Variants in TEN1 observed in about 807,000 individuals in gnomAD.
TEN1 encodes TEN1 subunit of CST complex.
TEN1 carries 6 observed loss-of-function variants against 9.3 expected under a neutral mutation model. The observed-to-expected ratio is 0.65, with a 90% CI of 0.35 to 1.27. The LOEUF (loss-of-function observed/expected upper bound fraction) is 1.27. Ranked by LOEUF, TEN1 falls within the 50% of genes most tolerant of loss-of-function variation. The pLI, the probability that TEN1 is intolerant of heterozygous loss-of-function variation, is 0.03. For synonymous variants in TEN1, 65 were observed against 65.6 expected (o/e 0.99, Z 0.04); for missense variants, 149 against 158.2 (o/e 0.94, Z 0.31).
At chr17:75,987,645 G>A (rs562620970) in intron 2 of TEN1, among the ~76,000 whole-genome samples, 3 of 152,240 alleles carry the variant, frequency 2.0e-5, no homozygotes, top group South Asian at 2.1e-4. Flanking sequence ...GGCCAGGTGC[G>A]GTGGCTCACG....
Position 75,979,275 on chromosome 17 carries a change from G to A in TEN1, c.-243G>A. The A allele has an allele frequency of 1.4e-6, 1 of 709,304 alleles. No homozygotes were observed. The highest frequency in any genetic ancestry group is 2.7e-5 in the East Asian group (1 of 36,840). 43.9% of individuals were successfully genotyped at this position (709,304 alleles called of 1,614,324 possible). ...GTGAGTGACAGCGGCCCAGACAGAG[G>A]GGGCGATGTCCGCGTCGTGGCTGGG... On this transcript the variant is annotated 5_prime_UTR_variant, in exon 1 of 4. Coordinates refer to ENST00000397640, the MANE Select transcript of TEN1 (RefSeq NM_001113324.3).
At chr17:75,991,149 C>CAAAAAAAAAAAAA (rs71361699) in intron 2 of TEN1, among the ~76,000 whole-genome samples, 7 of 69,996 alleles carry the variant, frequency 1.0e-4, no homozygotes, top group Non-Finnish European at 1.3e-4. Context: ...GACTCCATCT[C>CAAAAAAAAAAAAA]AAAAAAAAAA....
At chr17:75,990,791 GAAAA>G (rs34463013) in intron 2 of TEN1, among the ~76,000 whole-genome samples, 1 of 123,404 alleles carries the variant, frequency 8.1e-6, no homozygotes. Flanking sequence ...CTGGGATACA[GAAAA>G]AAAAAAAAAA....
intron 3 of TEN1, among the ~76,000 whole-genome samples, chr17:75,997,221 A>C (rs2066223065): frequency 6.6e-6 from 1 of 151,538 alleles, no homozygotes; most frequent in African/African-American, 2.4e-5. Flanking sequence ...CCCAGCCTCC[A>C]CCCTCCTGGT....
At chr17:75,997,620 A>C (rs549247085) in intron 3 of TEN1, among the ~76,000 whole-genome samples, 6 of 152,224 alleles carry the variant, frequency 3.9e-5, no homozygotes, top group African/African-American at 1.2e-4. Context: ...TTCCCTGTCC[A>C]CATATAAGGT....
In TEN1 at chr17:76,000,196, G is replaced by A. The variant is rs1312074347; in HGVS notation, c.306G>A (p.Leu102=). ...TGACCTGTGTGGAGGGGATGAACCT[G>A]CCCTTGTTGGAACAAGCCATCCGGG... ...RVLTCVEGMN[L]PLLEQAIREQ... is the part of the protein sequence containing the mutation. The change falls in exon 4 of 4, where the codon CTG becomes CTA. Residue 102 remains leucine (L), a synonymous_variant. Coordinates refer to ENST00000397640, the MANE Select transcript of TEN1 (RefSeq NM_001113324.3). The surrounding 1 kb of genome is among the most constrained non-coding windows in gnomAD (Gnocchi z 5.9). 2 of 1,551,380 alleles carry A rather than the reference G, an allele frequency of 1.3e-6. No individual in the cohort carries two copies. The highest frequency in any genetic ancestry group is 1.7e-6 in the Non-Finnish European group (2 of 1,146,966).
rs370674588 is a variant in TEN1 at position 75,979,469 on chromosome 17, A to G, written c.-49A>G. On this transcript the variant is annotated 5_prime_UTR_variant, in exon 1 of 4. Transcript: ENST00000397640. ...CCCTCCCCCGTCACGTGACCACGCG[A>G]GGCGGAAAGAAGAAATCCGAGGACC... The G allele has an allele frequency of 3.5e-5, 12 of 342,320 alleles. No homozygotes were observed. Among genetic ancestry groups the G allele is most frequent in the African/African-American group, 2.0e-4 (9 of 46,140 alleles). 21.2% of individuals were successfully genotyped at this position (342,320 alleles called of 1,614,324 possible).
At chr17:75,999,944 G>A (rs1443378932) in intron 3 of TEN1, among the ~76,000 whole-genome samples, 197 bp from the exon 4 acceptor site, 2 of 152,178 alleles carry the variant, frequency 1.3e-5, no homozygotes, top group Non-Finnish European at 2.9e-5. Context: ...TTCCAGACAC[G>A]GGCCGACTGT....
chr17:75,998,343 C>T (rs546140432), intron 3 of TEN1, among the ~76,000 whole-genome samples: 5 of 149,140 alleles, frequency 3.4e-5, no homozygotes, highest in South Asian at 2.1e-4. Context: ...ACAGGGTTTT[C>T]GCTTGTTGGC....
rs534916790 is a variant in TEN1 at position 75,990,108 on chromosome 17, C to T, written c.93-1358C>T. ...TTGCCCAGACTGGAGTGCAGTGGTA[C>T]GATCTCGGCTCACTGCAGCCTCTGC... On this transcript the variant is annotated intron_variant, in intron 2 of 3. Transcript: ENST00000397640. Among the ~76,000 whole-genome samples the T allele has an allele frequency of 7.7e-4, 116 of 150,074 alleles. 1 individual carries two copies. The highest frequency in any genetic ancestry group is 2.6e-3 in the African/African-American group (104 of 40,768).
chr17:75,998,169 C>CTT (rs1555622204), intron 3 of TEN1, among the ~76,000 whole-genome samples: 13 of 135,714 alleles, frequency 9.6e-5, no homozygotes, highest in East Asian at 2.1e-4. Flanking sequence ...TTTTTTTTTC[C>CTT]TTTTTTTTTT....
rs999395858 is a variant in TEN1, at chr17:75,979,302, C to A, written c.-216C>A. 3 of 644,470 alleles carry A rather than the reference C, an allele frequency of 4.7e-6. No homozygotes were observed. Among genetic ancestry groups the A allele is most frequent in the Non-Finnish European group, 8.1e-6 (3 of 368,678 alleles). 39.9% of individuals were successfully genotyped at this position (644,470 alleles called of 1,614,324 possible). A position where few individuals can be genotyped will look rare whatever the true frequency, so the allele number is the denominator to read the frequency against. ...GGCGATGTCCGCGTCGTGGCTGGGG[C>A]CGGTCGCGGGGCAGACTAATCCCCT... On this transcript the variant is annotated 5_prime_UTR_variant, in exon 1 of 4. Transcript: ENST00000397640.
intron 1 of TEN1, 134 bp downstream of exon 1, chr17:75,979,645 T>C (rs1390541805): frequency 2.3e-5 from 4 of 175,824 alleles, no homozygotes; most frequent in Non-Finnish European, 4.9e-5. Context: ...GAAATGAGAG[T>C]GGTCGGGAGA....
intron 3 of TEN1, among the ~76,000 whole-genome samples, chr17:75,999,503 C>T (rs998758257): frequency 1.6e-4 from 25 of 152,060 alleles, no homozygotes; most frequent in East Asian, 1.9e-4. Flanking sequence ...CCACTACACG[C>T]GGCTAATTTT....
Position 75,986,267 on chromosome 17 carries a change from G to C in TEN1, c.75G>C (p.Thr25=). The C allele has an allele frequency of 2.6e-6, 4 of 1,547,754 alleles. No homozygotes were observed. The highest frequency in any genetic ancestry group is 3.5e-6 in the Non-Finnish European group (4 of 1,145,132). The part of the protein sequence containing the change: ...VSAGQVPDGS[T]LRTFGRLCLY... ...CAGGCCAAGTTCCTGATGGGAGCAC[G>C]CTGAGAACATTTGGCAGGTGAGAAC... Residue 25 remains threonine, a synonymous_variant, in exon 2 of 4, where the codon ACG becomes ACC. Transcript: ENST00000397640.
At position 76,000,349 on chromosome 17, in the gene TEN1, C is replaced by T; in HGVS notation, c.*87C>T. On this transcript the variant is annotated 3_prime_UTR_variant, in exon 4 of 4. Transcript: ENST00000397640. The surrounding 1 kb of genome is among the most constrained non-coding windows in gnomAD (Gnocchi z 5.9). ...AGCCCGGGAGAGCACAGACGCCTCC[C>T]CAGCGACGGCCTTGTCTGGAGCTCG... 2 of 1,450,956 alleles carry T rather than the reference C, an allele frequency of 1.4e-6. No individual in the cohort carries two copies. Among genetic ancestry groups the T allele is most frequent in the Non-Finnish European group, 1.8e-6 (2 of 1,094,054 alleles). The allele number at this position is 1,450,956 out of a possible 1,614,324, so 89.9% of individuals were successfully genotyped here.
At chr17:75,994,086 G>A (rs537888885) in intron 3 of TEN1, among the ~76,000 whole-genome samples, 2 of 152,082 alleles carry the variant, frequency 1.3e-5, no homozygotes, top group Non-Finnish European at 2.9e-5. Context: ...GCACTGGCTA[G>A]TTTAGTACTC....
intron 2 of TEN1, among the ~76,000 whole-genome samples, chr17:75,988,561 CA>C (rs1189354019): frequency 0.017 from 502 of 28,962 alleles, 1 homozygote; most frequent in African/African-American, 0.033. Context: ...GATCCTGCCT[CA>C]AAAAAAAAAA....
intron 3 of TEN1, among the ~76,000 whole-genome samples, chr17:75,991,840 A>G (rs964562934): frequency 6.6e-6 from 1 of 152,160 alleles, no homozygotes; most frequent in Non-Finnish European, 1.5e-5. Context: ...GCTGGTCAGG[A>G]GTTCGAGACC....
Sources: allele counts gnomAD v4.1 joint callset (sites outside exome capture counted in the v4.1 genomes callset), GRCh38; gene constraint gnomAD v4.1.1; non-coding constraint Gnocchi (gnomAD v3.1); transcripts MANE v1.5; gene names NCBI Gene and HGNC (gene_info 2026-07-23, HGNC 2026-07-21).